Variants in ABCA12 observed in about 807,000 individuals in gnomAD.
The protein encoded by ABCA12 is ATP binding cassette subfamily A member 12, also known as glucosylceramide transporter ABCA12.
A neutral mutation model predicts 293.5 loss-of-function variants in ABCA12; 156 were observed. The ratio of observed to expected loss-of-function variants is 0.53; its 90% CI spans 0.47 to 0.61. The LOEUF (loss-of-function observed/expected upper bound fraction) is 0.61, where lower values mean the gene tolerates loss of function less well. Ranked by LOEUF, ABCA12 falls within the 20% of genes least tolerant of loss-of-function variation. The pLI is 0.00. For synonymous variants in ABCA12, 1,063 were observed against 1,108.0 expected, an observed-to-expected ratio of 0.96 and a Z score of 0.81; for missense variants, 2,797 against 3,090.2, an observed-to-expected ratio of 0.91 and a Z score of 2.25.
intron 11 of ABCA12, among the ~76,000 whole-genome samples, chr2:215,024,498 T>C (rs561187213): frequency 6.6e-6 from 1 of 152,336 alleles, no homozygotes; most frequent in East Asian, 1.9e-4. Context: ...AAACTTGTCC[T>C]TGAGGGATGA....
At position 215,037,026 on chromosome 2, in the gene ABCA12, T is replaced by C. The variant is rs757514211; in HGVS notation, c.912A>G (p.Ala304=). ...GGAGGGTTCTGAAACCTTCGTTAGT[T>C]GCAAAACGTGGATAAACCTTCTGCA... The part of the protein sequence containing the change: ...LVVQKVYPRF[A]TNEGFRTLQK... The change falls in exon 8 of 53, where the codon GCA becomes GCG. Residue 304 remains alanine, a synonymous_variant. Transcript: ENST00000272895. The C allele has an allele frequency of 5.6e-6, 9 of 1,613,938 alleles. No individual in the cohort carries two copies. In the Admixed American group the frequency reaches 1.2e-4, roughly 21 times the overall value.
intron 2 of ABCA12, among the ~76,000 whole-genome samples, chr2:215,099,090 T>C (rs1164696057): frequency 6.6e-6 from 1 of 152,244 alleles, no homozygotes; most frequent in Non-Finnish European, 1.5e-5. Flanking sequence ...AATGTGGCAG[T>C]GTGATGCTCT....
chr2:214,966,984 T>C (rs765980048), intron 38 of ABCA12, 31 bp from the exon 39 acceptor site: 2 of 1,545,376 alleles, frequency 1.3e-6, no homozygotes, highest in East Asian at 2.2e-5. Flanking sequence ...GCAAGATCAA[T>C]ATTGCATTCA....
intron 13 of ABCA12, 152 bp from the exon 14 acceptor site, chr2:215,018,284 G>T: frequency 1.1e-6 from 1 of 878,854 alleles, no homozygotes; most frequent in South Asian, 1.7e-5. Context: ...TGCATATTTA[G>T]GATCTATTTC....
chr2:214,971,320 T>C (rs1699380455), intron 36 of ABCA12, among the ~76,000 whole-genome samples: 2 of 152,152 alleles, frequency 1.3e-5, no homozygotes, highest in Admixed American at 1.3e-4. Context: ...TCACAAATAA[T>C]TAAAAGAGAA....
chr2:215,107,837 G>T (rs1191959380), intron 2 of ABCA12, among the ~76,000 whole-genome samples: 1 of 152,228 alleles, frequency 6.6e-6, no homozygotes, highest in Non-Finnish European at 1.5e-5. Flanking sequence ...TGACTCCAGT[G>T]CCCGAATTGT....
At chr2:215,058,012 T>C (rs754788448) in intron 3 of ABCA12, among the ~76,000 whole-genome samples, 21 of 152,068 alleles carry the variant, frequency 1.4e-4, no homozygotes, top group Non-Finnish European at 2.9e-4. Flanking sequence ...AATAGCTAAG[T>C]AAGGACATGT....
At chr2:214,967,287 A>G (rs1026255932) in intron 38 of ABCA12, among the ~76,000 whole-genome samples, 1 of 152,166 alleles carries the variant, frequency 6.6e-6, no homozygotes, top group Non-Finnish European at 1.5e-5. Flanking sequence ...CTGAGACTAG[A>G]ACTAAGGTAT....
At chr2:215,069,969 G>A (rs1304573419) in intron 2 of ABCA12, among the ~76,000 whole-genome samples, 2 of 152,232 alleles carry the variant, frequency 1.3e-5, no homozygotes, top group East Asian at 1.9e-4. Flanking sequence ...ATGGGTAGCT[G>A]TAGGAACCCC....
intron 2 of ABCA12, among the ~76,000 whole-genome samples, chr2:215,066,761 T>G (rs2106076808): frequency 6.6e-6 from 1 of 152,262 alleles, no homozygotes; most frequent in Non-Finnish European, 1.5e-5. Flanking sequence ...TGCACAAGTT[T>G]CAGCTAACAG....
At chr2:215,079,580 T>G (rs1265890502) in intron 2 of ABCA12, among the ~76,000 whole-genome samples, 2 of 152,206 alleles carry the variant, frequency 1.3e-5, no homozygotes, top group Admixed American at 6.5e-5. Context: ...GCAAATGTCA[T>G]TAATGTCTCC....
In ABCA12 at chr2:215,001,761, C is replaced by T. The variant is rs559529333; in HGVS notation, c.2684-24G>A. ...ATCTAAAGAGGCAAAGCAAAAGAGA[C>T]AAAAAAAAATTATGGTCCTGATTCT... is the stretch of plus-strand genomic sequence containing the variant. On this transcript the variant is annotated intron_variant, in intron 20 of 52. Coordinates refer to ENST00000272895, the MANE Select transcript of ABCA12 (RefSeq NM_173076.3). 8 of 1,582,776 alleles carry T rather than the reference C, an allele frequency of 5.1e-6. 1 individual carries two copies. In the Middle Eastern group the frequency reaches 8.7e-4, roughly 173 times the overall value.
chr2:215,091,455 A>G (rs1164498315), intron 2 of ABCA12, among the ~76,000 whole-genome samples: 1 of 152,124 alleles, frequency 6.6e-6, no homozygotes, highest in East Asian at 1.9e-4. Context: ...ACCTCTCCCA[A>G]ATCAGTTAGT....
Position 214,932,668 on chromosome 2 carries a change from C to CTT in ABCA12, c.7752_7753dup (p.Ser2585LysfsTer23), listed in dbSNP as rs529534210. The CTT allele has an allele frequency of 4.3e-6, 7 of 1,613,534 alleles. No homozygotes were observed. Among genetic ancestry groups the CTT allele is most frequent in the South Asian group, 2.2e-5 (2 of 91,074 alleles). ...CATCTGGTCATCTTGTGAGTCAACA[C>CTT]TTATAGTGGAACCTTGGCTGCTGGT... On this transcript the variant is annotated frameshift_variant, in exon 53 of 53. Transcript: ENST00000272895. LOFTEE classifies it high-confidence loss of function.
chr2:214,947,652 G>T (rs2105923507), intron 47 of ABCA12, 96 bp from the exon 48 acceptor site: 1 of 1,377,802 alleles, frequency 7.3e-7, no homozygotes, highest in Non-Finnish European at 1.0e-6. Context: ...AAAAGAAAAT[G>T]TTATCATGGA....
chr2:214,979,883 C>T (rs1346867678), intron 31 of ABCA12, among the ~76,000 whole-genome samples: 1 of 152,134 alleles, frequency 6.6e-6, no homozygotes, highest in Admixed American at 6.5e-5. Flanking sequence ...ATAGCATATA[C>T]ATCTTGCACA....
rs1217391994 is a variant in ABCA12, at chr2:215,031,700, T to C, written c.1061+121A>G. 3 of 1,218,168 alleles carry C rather than the reference T, an allele frequency of 2.5e-6. No homozygotes were observed. In the African/African-American group the frequency reaches 4.5e-5, roughly 18 times the overall value. The allele number at this position is 1,218,168 out of a possible 1,614,324, so 75.5% of individuals were successfully genotyped here. A position where few individuals can be genotyped will look rare whatever the true frequency, so the allele number is the denominator to read the frequency against. ...GGACTATGCCCTTTCCTCTGCTCAG[T>C]CAATAGTTGATTTTTCTATTCCATG... On this transcript the variant is annotated intron_variant, in intron 9 of 52. Transcript: ENST00000272895.
At chr2:215,049,379 T>A (rs1479870837) in intron 6 of ABCA12, among the ~76,000 whole-genome samples, 1 of 152,204 alleles carries the variant, frequency 6.6e-6, no homozygotes, top group Non-Finnish European at 1.5e-5. Context: ...AGCCATATTT[T>A]ATTTATAAAG....
At chr2:214,948,133 G>A (rs1365863518) in intron 47 of ABCA12, among the ~76,000 whole-genome samples, 1 of 152,164 alleles carries the variant, frequency 6.6e-6, no homozygotes. Flanking sequence ...TGCCCTAAGG[G>A]TCAGCCATCT....
Sources: gnomAD v4.1 joint callset for allele counts (sites outside exome capture counted in the v4.1 genomes callset) on GRCh38, gnomAD v4.1.1 for gene constraint, MANE v1.5 for transcripts, NCBI Gene and HGNC (gene_info 2026-07-23, HGNC 2026-07-21) for gene names.